The following KCNQ1 variants were observed in gnomAD, a reference collection of about 807,000 sequenced individuals.
KCNQ1 encodes potassium voltage-gated channel subfamily Q member 1, also known as potassium voltage-gated channel subfamily KQT member 1.
In KCNQ1, 49 loss-of-function variants were observed where a neutral mutation model predicts 72.4. The observed-to-expected ratio is 0.68, with a 90% CI of 0.54 to 0.86. The LOEUF is 0.86. KCNQ1 is among the 40% of genes least tolerant of loss of function. KCNQ1 has a pLI of 0.00. For missense variants in KCNQ1, 790 were observed against 945.1 expected, an observed-to-expected ratio of 0.84 and a Z score of 2.15; for synonymous variants, 450 against 412.6, an observed-to-expected ratio of 1.09 and a Z score of -1.10.
Position 2,507,492 on chromosome 11 carries a change from G to T in KCNQ1, c.387-20436G>T, listed in dbSNP as rs1351977109. 6.6e-6 allele frequency among the ~76,000 whole-genome samples: 1 copy of T among 152,218 alleles called. No homozygotes were observed. Among genetic ancestry groups the T allele is most frequent in the Non-Finnish European group, 1.5e-5 (1 of 68,042 alleles). On this transcript the variant is annotated intron_variant, in intron 1 of 15. Transcript: ENST00000155840. The surrounding 1 kb of genome is among the most constrained non-coding windows in gnomAD (Gnocchi z 5.4). The stretch of plus-strand genomic sequence containing the variant: ...AACAGGGTTTGCAGGTAGATAAGGT[G>T]GCGGGTGCAGCGGGAGGAAGAGAAA...
rs1195618846 is a variant in KCNQ1 at position 2,813,377 on chromosome 11, G to A, written c.1795-34390G>A. On this transcript the variant is annotated intron_variant, in intron 15 of 15. Coordinates refer to ENST00000155840, the MANE Select transcript of KCNQ1 (RefSeq NM_000218.3). This position sits in a 1 kb window ranked among gnomAD's most constrained non-coding sequence, Gnocchi z 4.4. ...AACCTGGGCTCCCCACTCTCACAGG[G>A]GTGGAGACCTGCACCTCTTTTTCAC... Among the ~76,000 whole-genome samples the A allele has an allele frequency of 6.6e-6, 1 of 150,880 alleles. No homozygotes were observed. Among genetic ancestry groups the A allele is most frequent in the Non-Finnish European group, 1.5e-5 (1 of 67,872 alleles).
chr11:2,649,895 T>C (rs552821748), intron 10 of KCNQ1: 1 of 398,518 alleles, frequency 2.5e-6, no homozygotes, highest in Admixed American at 4.4e-5. Context: ...CTGGTCCTTA[T>C]CCCAACACTT....
chr11:2,445,032 G>A lies in KCNQ1; in HGVS notation c.-67G>A, dbSNP rs1334790751. 60 of 1,014,822 alleles carry A rather than the reference G, an allele frequency of 5.9e-5. No homozygotes were observed. The highest frequency in any genetic ancestry group is 6.7e-5 in the Non-Finnish European group (57 of 847,474). The allele number at this position is 1,014,822 out of a possible 1,614,324, so 62.9% of individuals were successfully genotyped here. On this transcript the variant is annotated 5_prime_UTR_variant, in exon 1 of 16. Transcript: ENST00000155840. Reference sequence around the variant, plus strand: ...CAGTGGCTGCCCGCACTGCGCCCGGGCGCTCGCCTTCGCTGCAGCTCCCGG... The same window carrying A: ...CAGTGGCTGCCCGCACTGCGCCCGGACGCTCGCCTTCGCTGCAGCTCCCGG...
In KCNQ1 at chr11:2,493,615, C is replaced by T. The variant is rs111660287; in HGVS notation, c.387-34313C>T. Among the ~76,000 whole-genome samples the T allele has an allele frequency of 6.6e-5, 10 of 152,262 alleles. No homozygotes were observed. Among genetic ancestry groups the T allele is most frequent in the East Asian group, 1.9e-4 (1 of 5,190 alleles). ...CATTTATTAAATAGAGAATCCTTTCCGCATTGCTTTTTTGTCAGGTTGGTC... is the reference window on the plus strand; with the variant it reads ...CATTTATTAAATAGAGAATCCTTTCTGCATTGCTTTTTTGTCAGGTTGGTC... On this transcript the variant is annotated intron_variant, in intron 1 of 15. Coordinates refer to ENST00000155840, the MANE Select transcript of KCNQ1 (RefSeq NM_000218.3). The surrounding 1 kb of genome is among the most constrained non-coding windows in gnomAD (Gnocchi z 5.3).
intron 10 of KCNQ1, chr11:2,638,736 G>A (rs1849521078): frequency 6.6e-6 from 1 of 152,126 alleles, no homozygotes; most frequent in Non-Finnish European, 1.5e-5. Flanking sequence ...TGCTAGGTTG[G>A]GGAAGTTCTC....
At chr11:2,504,655 G>T (rs891886689) in intron 1 of KCNQ1, among the ~76,000 whole-genome samples, 1 of 152,172 alleles carries the variant, frequency 6.6e-6, no homozygotes, top group African/African-American at 2.4e-5. Flanking sequence ...TACTTGGGTG[G>T]CCGAGGCATG....
chr11:2,573,557 C>T (rs745467959), intron 6 of KCNQ1, among the ~76,000 whole-genome samples: 2 of 152,184 alleles, frequency 1.3e-5, no homozygotes, highest in African/African-American at 4.8e-5. Flanking sequence ...GTTCTGGAGC[C>T]GGGCCTGGGC....
At chr11:2,667,874 C>G (rs1390478735) in intron 11 of KCNQ1, 1 of 398,528 alleles carries the variant, frequency 2.5e-6, no homozygotes, top group Admixed American at 4.4e-5. Flanking sequence ...GATTAGTACA[C>G]AGGTCTCAAG....
At chr11:2,685,002 A>G (rs1251221434) in intron 11 of KCNQ1, 2 of 398,526 alleles carry the variant, frequency 5.0e-6, no homozygotes, top group East Asian at 3.6e-5. Context: ...CTTTTCATTC[A>G]TATCTTCTTG....
Position 2,642,085 on chromosome 11 carries a change from A to T in KCNQ1, c.1394-19876A>T, listed in dbSNP as rs1038644087. The T allele has an allele frequency of 5.0e-6, 2 of 398,230 alleles. No individual in the cohort carries two copies. The highest frequency in any genetic ancestry group is 4.1e-5 in the African/African-American group (2 of 48,616). 24.7% of individuals were successfully genotyped at this position (398,230 alleles called of 1,614,324 possible). ...ATCCAACTTTGTTATTTTTGCTCAGAATTGCTGTGGCTATTCCAGCTCTTT... is the reference window on the plus strand; with the variant it reads ...ATCCAACTTTGTTATTTTTGCTCAGTATTGCTGTGGCTATTCCAGCTCTTT... On this transcript the variant is annotated intron_variant, in intron 10 of 15. Transcript: ENST00000155840. This position sits in a 1 kb window ranked among gnomAD's most constrained non-coding sequence, Gnocchi z 4.3.
chr11:2,637,488 G>T (rs1313453481), intron 10 of KCNQ1: 1 of 152,228 alleles, frequency 6.6e-6, no homozygotes, highest in African/African-American at 2.4e-5. Flanking sequence ...ATGTCGTTGA[G>T]CGGTTTTGAG....
chr11:2,711,542 C>T lies in KCNQ1; in HGVS notation c.1514+49461C>T, dbSNP rs1851006712. Among the ~76,000 whole-genome samples, 1 of 152,122 alleles carries T rather than the reference C, an allele frequency of 6.6e-6. No individual in the cohort carries two copies. Among genetic ancestry groups the T allele is most frequent in the South Asian group, 2.1e-4 (1 of 4,818 alleles). ...TTCTCAACCTTGGGTGTCGCCTGCCCAGAACGGGGCTCTCGGAGGCCAGGG... is the reference window on the plus strand; with the variant it reads ...TTCTCAACCTTGGGTGTCGCCTGCCTAGAACGGGGCTCTCGGAGGCCAGGG... On this transcript the variant is annotated intron_variant, in intron 11 of 15. Transcript: ENST00000155840. This position sits in a 1 kb window ranked among gnomAD's most constrained non-coding sequence, Gnocchi z 5.4.
chr11:2,644,585 T>C (rs1313925704), intron 10 of KCNQ1: 4 of 398,488 alleles, frequency 1.0e-5, no homozygotes, highest in African/African-American at 8.2e-5. Flanking sequence ...TGGAGAATTA[T>C]TGCATTCCTT....
chr11:2,633,930 T>G, intron 10 of KCNQ1: 1 of 398,618 alleles, frequency 2.5e-6, no homozygotes, highest in Non-Finnish European at 4.4e-6. Flanking sequence ...CCTTGTTAGA[T>G]TATGGGGAAA....
At chr11:2,736,112 C>T (rs1048238556) in intron 11 of KCNQ1, among the ~76,000 whole-genome samples, 1 of 152,100 alleles carries the variant, frequency 6.6e-6, no homozygotes, top group South Asian at 2.1e-4. Flanking sequence ...CTTTAGATGC[C>T]AGAGGGGGCT....
chr11:2,714,425 G>C (rs937482367), intron 11 of KCNQ1, among the ~76,000 whole-genome samples: 92 of 152,286 alleles, frequency 6.0e-4, no homozygotes, highest in Admixed American at 3.5e-3. Context: ...GTGGAGTCAG[G>C]GCAGCTGGAC....
chr11:2,500,695 TA>T (rs1014599718), intron 1 of KCNQ1, among the ~76,000 whole-genome samples: 6 of 152,110 alleles, frequency 3.9e-5, no homozygotes, highest in South Asian at 2.1e-4. Context: ...TATGCAGCCA[TA>T]AAAAAAGATG....
In KCNQ1 at chr11:2,612,037, C is replaced by G. The variant is rs1462109954; in HGVS notation, c.1393+23183C>G. ...CTTAATTCCACATATGTTTTCTACT[C>G]TTAATTACATATATGTTACAACTTA... On this transcript the variant is annotated intron_variant, in intron 10 of 15. Transcript: ENST00000155840. The surrounding 1 kb of genome is among the most constrained non-coding windows in gnomAD (Gnocchi z 5.5). 3 of 398,482 alleles carry G rather than the reference C, an allele frequency of 7.5e-6. No homozygotes were observed. The highest frequency in any genetic ancestry group is 8.8e-6 in the Non-Finnish European group (2 of 226,072). The allele number at this position is 398,482 out of a possible 1,614,324, so 24.7% of individuals were successfully genotyped here. A position where few individuals can be genotyped will look rare whatever the true frequency, so the allele number is the denominator to read the frequency against.
At chr11:2,705,701 G>A (rs1419627984) in intron 11 of KCNQ1, among the ~76,000 whole-genome samples, 1 of 152,240 alleles carries the variant, frequency 6.6e-6, no homozygotes, top group African/African-American at 2.4e-5. Context: ...TGAGGACATT[G>A]CCACAGCCAG....
Sources: gnomAD v4.1 joint callset for allele counts (sites outside exome capture counted in the v4.1 genomes callset) on GRCh38, gnomAD v4.1.1 for gene constraint, Gnocchi (gnomAD v3.1) non-coding constraint, MANE v1.5 for transcripts, NCBI Gene and HGNC (gene_info 2026-07-23, HGNC 2026-07-21) for gene names.